DOCK9: variants seen among roughly 807,000 people sequenced by gnomAD.
The protein encoded by DOCK9 is dedicator of cytokinesis protein 9.
In DOCK9, 89 loss-of-function variants were observed where a neutral mutation model predicts 263.3. The observed-to-expected ratio is 0.34, with a 90% confidence interval of 0.28 to 0.40. The LOEUF (loss-of-function observed/expected upper bound fraction) is 0.40. DOCK9 is among the 10% of genes least tolerant of loss of function. DOCK9 has a pLI of 1.00. For synonymous variants in DOCK9, 976 were observed against 973.1 expected, an observed-to-expected ratio of 1.00 and a Z score of -0.06; for missense variants, 2,140 against 2,603.4, an observed-to-expected ratio of 0.82 and a Z score of 3.87.
chr13:98,874,715 G>C (rs2142343755), intron 27 of DOCK9, among the ~76,000 whole-genome samples: 1 of 152,294 alleles, frequency 6.6e-6, no homozygotes, highest in African/African-American at 2.4e-5. Context: ...TGGTGAATCT[G>C]TTCCACAGGC....
intron 1 of DOCK9, among the ~76,000 whole-genome samples, chr13:99,014,424 A>G (rs1184127273): frequency 6.6e-6 from 1 of 152,232 alleles, no homozygotes. Flanking sequence ...TGATGCCTTG[A>G]GTGATGCTCT....
intron 12 of DOCK9, 74 bp downstream of exon 12, chr13:98,902,214 G>T: frequency 1.3e-6 from 2 of 1,511,552 alleles, no homozygotes; most frequent in South Asian, 2.5e-5. Flanking sequence ...GGTCTAATTT[G>T]AGCATTTTTG....
chr13:98,922,038 T>A lies in DOCK9; in HGVS notation c.582+13A>T. 1 of 1,574,608 alleles carries A rather than the reference T, an allele frequency of 6.4e-7. No homozygotes were observed. On this transcript the variant is annotated intron_variant, in intron 6 of 52. Coordinates refer to ENST00000682017, the MANE Select transcript of DOCK9 (RefSeq NM_001366683.2). ...CTTGTGAGAGGGGAGGGCAAAGTGA[T>A]GTGCGTCCTCACCCTCATGGTCACG...
chr13:99,016,246 G>A (rs996949046), intron 1 of DOCK9, among the ~76,000 whole-genome samples: 1 of 152,164 alleles, frequency 6.6e-6, no homozygotes. Flanking sequence ...GATGACTGCT[G>A]CTATGGAAAC....
chr13:99,032,618 T>A (rs7327021), intron 1 of DOCK9, among the ~76,000 whole-genome samples: 4 of 150,930 alleles, frequency 2.7e-5, no homozygotes, highest in Non-Finnish European at 5.9e-5. Context: ...TATTAATTTA[T>A]ATGACATAAA....
At chr13:99,060,485 G>A (rs1394380318) in intron 1 of DOCK9, among the ~76,000 whole-genome samples, 1 of 152,142 alleles carries the variant, frequency 6.6e-6, no homozygotes, top group Non-Finnish European at 1.5e-5. Context: ...ACTAGGAGTG[G>A]AACTGCTGGG....
At chr13:99,074,817 T>TA (rs753622534) in intron 1 of DOCK9, among the ~76,000 whole-genome samples, 10 of 152,196 alleles carry the variant, frequency 6.6e-5, no homozygotes, top group South Asian at 2.1e-4. Flanking sequence ...ACTCTCTACT[T>TA]ACGTTAAATT....
intron 1 of DOCK9, among the ~76,000 whole-genome samples, chr13:99,033,124 C>T (rs9517560): frequency 0.5 from 75,412 of 151,974 alleles, 18,982 homozygotes; most frequent in East Asian, 0.65. Flanking sequence ...ACATACATAG[C>T]CACCTTCCTA....
At chr13:98,995,485 C>CTTTTTTTTTTTTT (rs140398881) in intron 1 of DOCK9, among the ~76,000 whole-genome samples, 1 of 121,470 alleles carries the variant, frequency 8.2e-6, no homozygotes. Flanking sequence ...GAGGAAGATA[C>CTTTTTTTTTTTTT]TTTTTTTTTT....
chr13:98,959,985 G>A (rs943207375), intron 1 of DOCK9, among the ~76,000 whole-genome samples: 2 of 152,178 alleles, frequency 1.3e-5, no homozygotes, highest in African/African-American at 2.4e-5. Context: ...CTAGGGTAGG[G>A]AACTGATTGG....
intron 45 of DOCK9, among the ~76,000 whole-genome samples, chr13:98,822,120 C>T (rs1469652202): frequency 1.3e-5 from 2 of 152,220 alleles, no homozygotes; most frequent in Non-Finnish European, 1.5e-5. Flanking sequence ...TGCTGTGTCA[C>T]ATCCTAATCA....
At chr13:98,823,795 C>T (rs1210019365) in intron 45 of DOCK9, among the ~76,000 whole-genome samples, 2 of 152,202 alleles carry the variant, frequency 1.3e-5, no homozygotes, top group Non-Finnish European at 2.9e-5. Flanking sequence ...CCTGTTTTAG[C>T]AAGAAACTGG....
At chr13:99,002,212 G>C (rs139172274) in intron 1 of DOCK9, among the ~76,000 whole-genome samples, 107 of 152,264 alleles carry the variant, frequency 7.0e-4, no homozygotes, top group African/African-American at 2.3e-3. Context: ...TGGGGGATCA[G>C]AGCTTTCACT....
At chr13:98,807,840 G>T in intron 47 of DOCK9, 33 bp from the exon 48 acceptor site, 1 of 1,582,420 alleles carries the variant, frequency 6.3e-7, no homozygotes, top group Non-Finnish European at 8.6e-7. Context: ...AGCTATCCCT[G>T]AACGTAAGCC....
At chr13:98,830,581 C>G (rs569292928) in intron 41 of DOCK9, among the ~76,000 whole-genome samples, 3 of 152,312 alleles carry the variant, frequency 2.0e-5, no homozygotes, top group South Asian at 2.1e-4. Flanking sequence ...GGTGCTTCCC[C>G]GTAGTTCACT....
At chr13:98,878,650 T>C (rs1322766652) in intron 27 of DOCK9, among the ~76,000 whole-genome samples, 1 of 152,218 alleles carries the variant, frequency 6.6e-6, no homozygotes, top group Non-Finnish European at 1.5e-5. Flanking sequence ...CATTTCTCTG[T>C]AGAAGGCAGG....
At chr13:99,079,768 G>T (rs1889725284) in intron 1 of DOCK9, among the ~76,000 whole-genome samples, 1 of 152,216 alleles carries the variant, frequency 6.6e-6, no homozygotes, top group Non-Finnish European at 1.5e-5. Flanking sequence ...GGCCGGGCGT[G>T]GTGGCTCATG....
chr13:98,853,551 A>G (rs1374990887), intron 34 of DOCK9, 29 bp from the exon 35 acceptor site: 7 of 1,495,110 alleles, frequency 4.7e-6, no homozygotes, highest in Non-Finnish European at 6.5e-6. Flanking sequence ...TGATTTTTCT[A>G]TTTAATTACG....
chr13:99,004,280 T>C (rs1011255665), intron 1 of DOCK9, among the ~76,000 whole-genome samples: 4 of 152,208 alleles, frequency 2.6e-5, no homozygotes, highest in Admixed American at 2.6e-4. Context: ...CCAATGGATG[T>C]CTGAGAACTG....
Sources: allele counts gnomAD v4.1 joint callset (sites outside exome capture counted in the v4.1 genomes callset), GRCh38; gene constraint gnomAD v4.1.1; transcripts MANE v1.5; gene names NCBI Gene and HGNC (gene_info 2026-07-23, HGNC 2026-07-21).